Variants in TRHDE observed in about 807,000 individuals in gnomAD.
TRHDE encodes thyrotropin releasing hormone degrading enzyme.
Under a neutral mutation model 125.7 loss-of-function variants are expected in TRHDE, and 72 were observed. That is an observed-to-expected ratio of 0.57 (90% CI 0.47 to 0.70). TRHDE has a LOEUF of 0.70. Ranked by LOEUF, TRHDE falls within the 30% of genes least tolerant of loss-of-function variation. TRHDE has a pLI of 0.00. For missense variants in TRHDE, 1,110 were observed against 1,327.1 expected, an observed-to-expected ratio of 0.84 and a Z score of 2.54; for synonymous variants, 509 against 509.1, an observed-to-expected ratio of 1.00 and a Z score of 0.00.
chr12:72,527,275 T>G (rs1301731778), intron 6 of TRHDE, among the ~76,000 whole-genome samples: 2 of 152,144 alleles, frequency 1.3e-5, no homozygotes, highest in African/African-American at 2.4e-5. Context: ...TAAGACAGAT[T>G]GTTCTATTTC....
intron 6 of TRHDE, among the ~76,000 whole-genome samples, chr12:72,529,101 A>G (rs566727707): frequency 9.7e-4 from 148 of 152,258 alleles, no homozygotes; most frequent in African/African-American, 3.5e-3. Context: ...ATTAAACTAT[A>G]GGACTAAAAT....
At chr12:72,553,740 C>G (rs1869784902) in intron 7 of TRHDE, among the ~76,000 whole-genome samples, 1 of 151,876 alleles carries the variant, frequency 6.6e-6, no homozygotes, top group African/African-American at 2.4e-5. Flanking sequence ...ACCACACCCC[C>G]CACCCCACCC....
chr12:72,390,417 A>G (rs1872575306), intron 3 of TRHDE, among the ~76,000 whole-genome samples: 1 of 152,128 alleles, frequency 6.6e-6, no homozygotes. Context: ...TGACAGCAGC[A>G]CTGCCAATCA....
intron 3 of TRHDE, among the ~76,000 whole-genome samples, chr12:72,451,539 G>A (rs1875569474): frequency 6.6e-6 from 1 of 152,014 alleles, no homozygotes; most frequent in Non-Finnish European, 1.5e-5. Context: ...TTTATAGTAT[G>A]TTTTCAATTA....
At chr12:72,441,497 C>CGGGAAA (rs2135856162) in intron 3 of TRHDE, among the ~76,000 whole-genome samples, 1 of 151,698 alleles carries the variant, frequency 6.6e-6, no homozygotes, top group South Asian at 2.1e-4. Flanking sequence ...GCTGGACAGG[C>CGGGAAA]GGGAAAGGGA....
intron 2 of TRHDE, among the ~76,000 whole-genome samples, chr12:72,360,710 A>G (rs1355554827): frequency 2.0e-5 from 3 of 151,800 alleles, no homozygotes; most frequent in African/African-American, 4.8e-5. Flanking sequence ...TTGAAAATAT[A>G]TTGTACAGTT....
chr12:72,368,475 G>A (rs2079396181), intron 2 of TRHDE, among the ~76,000 whole-genome samples: 1 of 151,870 alleles, frequency 6.6e-6, no homozygotes, highest in African/African-American at 2.4e-5. Flanking sequence ...TACTCTCATG[G>A]GACTCTGACC....
intron 3 of TRHDE, among the ~76,000 whole-genome samples, chr12:72,402,526 G>A (rs1410001511): frequency 6.6e-6 from 1 of 152,032 alleles, no homozygotes; most frequent in Non-Finnish European, 1.5e-5. Flanking sequence ...TCTTCCTACT[G>A]CCTGGGTCTG....
At chr12:72,177,268 T>C (rs1400868669) in intron 2 of TRHDE, among the ~76,000 whole-genome samples, 2 of 152,202 alleles carry the variant, frequency 1.3e-5, no homozygotes, top group African/African-American at 2.4e-5. Context: ...TTGCAACAAT[T>C]CTATAATATT....
intron 3 of TRHDE, among the ~76,000 whole-genome samples, chr12:72,443,520 G>T (rs1419145111): frequency 6.6e-6 from 1 of 151,580 alleles, no homozygotes; most frequent in Non-Finnish European, 1.5e-5. Flanking sequence ...TAATAGCTGG[G>T]TATAAACATA....
At chr12:72,206,894 G>A (rs1421875311) in intron 2 of TRHDE, among the ~76,000 whole-genome samples, 3 of 152,008 alleles carry the variant, frequency 2.0e-5, no homozygotes, top group Admixed American at 1.3e-4. Context: ...TGCATATGAT[G>A]AATTGAACTT....
chr12:72,420,817 C>T (rs1388099676), intron 3 of TRHDE, among the ~76,000 whole-genome samples: 1 of 152,168 alleles, frequency 6.6e-6, no homozygotes, highest in Non-Finnish European at 1.5e-5. Context: ...TCCCAACATA[C>T]TCTCAAACAA....
intron 3 of TRHDE, among the ~76,000 whole-genome samples, chr12:72,462,384 C>T (rs187356587): frequency 1.1e-4 from 16 of 152,218 alleles, no homozygotes; most frequent in Non-Finnish European, 1.8e-4. Flanking sequence ...TTAGAAGAGC[C>T]GCAGAGCTCT....
chr12:72,653,997 T>G (rs1183050514), intron 17 of TRHDE, among the ~76,000 whole-genome samples: 3 of 152,174 alleles, frequency 2.0e-5, no homozygotes, highest in Non-Finnish European at 4.4e-5. Flanking sequence ...GGTATTTCAT[T>G]GTCAGAAAAC....
intron 2 of TRHDE, among the ~76,000 whole-genome samples, chr12:72,330,542 A>T (rs933142090): frequency 6.6e-6 from 1 of 152,108 alleles, no homozygotes; most frequent in Non-Finnish European, 1.5e-5. Flanking sequence ...AGCGGCTGGT[A>T]ATTAGACCCA....
intron 3 of TRHDE, among the ~76,000 whole-genome samples, chr12:72,418,566 A>C (rs767658644): frequency 2.6e-5 from 4 of 152,110 alleles, no homozygotes; most frequent in Non-Finnish European, 5.9e-5. Context: ...CCATCTTTTA[A>C]GAGGAAATCA....
At chr12:72,095,461 A>G (rs1874892822) in intron 1 of TRHDE, among the ~76,000 whole-genome samples, 1 of 152,184 alleles carries the variant, frequency 6.6e-6, no homozygotes, top group Admixed American at 6.5e-5. Context: ...AAGGTACCAT[A>G]GAGGTCACTA....
intron 12 of TRHDE, among the ~76,000 whole-genome samples, chr12:72,589,192 A>G (rs1871567564): frequency 6.6e-6 from 1 of 152,186 alleles, no homozygotes; most frequent in Non-Finnish European, 1.5e-5. Flanking sequence ...AGATGCATGC[A>G]GATGTTTTCC....
intron 1 of TRHDE, among the ~76,000 whole-genome samples, chr12:72,103,952 T>C (rs1271523228): frequency 6.6e-6 from 1 of 152,102 alleles, no homozygotes; most frequent in Non-Finnish European, 1.5e-5. Context: ...TTGAGAGCTG[T>C]AGAAGGCAAG....
Sources: gnomAD v4.1 joint callset for allele counts (sites outside exome capture counted in the v4.1 genomes callset) on GRCh38, gnomAD v4.1.1 for gene constraint, MANE v1.5 for transcripts, NCBI Gene and HGNC (gene_info 2026-07-23, HGNC 2026-07-21) for gene names.